CDKN2A: variants seen among roughly 807,000 people sequenced by gnomAD.
The protein encoded by CDKN2A is cyclin dependent kinase inhibitor 2A.
CDKN2A carries 3 observed loss-of-function variants against 11.1 expected under a neutral mutation model. The ratio of observed to expected loss-of-function variants is 0.27; its 90% CI spans 0.12 to 0.70. The LOEUF (loss-of-function observed/expected upper bound fraction) is 0.70. Ranked by LOEUF, CDKN2A falls within the 30% of genes least tolerant of loss-of-function variation. The pLI is 0.77. For synonymous variants in CDKN2A, 122 were observed against 108.1 expected, an observed-to-expected ratio of 1.13 and a Z score of -0.80; for missense variants, 265 against 233.6, an observed-to-expected ratio of 1.13 and a Z score of -0.88.
chr9:21,972,074 T>C (rs1172331680), intron 1 of CDKN2A, among the ~76,000 whole-genome samples: 1 of 151,994 alleles, frequency 6.6e-6, no homozygotes, highest in Non-Finnish European at 1.5e-5. Flanking sequence ...GTAATTGTTT[T>C]ATATTTCACA....
At chr9:21,986,834 C>T in intron 2 of CDKN2A, among the ~76,000 whole-genome samples, 1 of 151,966 alleles carries the variant, frequency 6.6e-6, no homozygotes, top group East Asian at 1.9e-4. Flanking sequence ...GAGTAAAATT[C>T]AAAGTGTCCG....
rs1324166220 is a variant in CDKN2A at position 21,985,144 on chromosome 9, TAG to T, written c.-4+8736_-4+8737del. 3.9e-5 allele frequency among the ~76,000 whole-genome samples: 6 copies of T among 152,112 alleles called. No homozygotes were observed. In the East Asian group the frequency reaches 9.6e-4, roughly 24 times the overall value. On this transcript the variant is annotated intron_variant, in intron 2 of 3. Transcript: ENST00000494262. The stretch of plus-strand genomic sequence containing the variant: ...TTCCTTTGAGTCTCTGGGTTGAGGG[TAG>T]AGTTTTATCTTTTGTGTTGTTACGG...
At chr9:21,970,548 T>C in intron 2 of CDKN2A, 1 of 534,358 alleles carries the variant, frequency 1.9e-6, no homozygotes, top group Non-Finnish European at 3.3e-6. Flanking sequence ...TGGATGCAAC[T>C]GGCCCTAGTT....
upstream of CDKN2A, among the ~76,000 whole-genome samples, chr9:21,976,956 C>T (rs116860380): frequency 6.6e-6 from 1 of 152,338 alleles, no homozygotes; most frequent in Non-Finnish European, 1.5e-5. Flanking sequence ...ATGCCTTAAG[C>T]ACATGCTTAA....
At position 21,968,675 on chromosome 9, in the gene CDKN2A, C is replaced by A; in HGVS notation, c.458-433G>T. On this transcript the variant is annotated intron_variant, in intron 2 of 2. Transcript: ENST00000304494. This position sits in a 1 kb window ranked among gnomAD's most constrained non-coding sequence, Gnocchi z 4.7. Reference sequence around the variant, plus strand: ...AGTGAGCCAGCCAGCTTGCGATAACCAAAGGGCGCCTCAGGCTCTGGCGCT... The same window carrying A: ...AGTGAGCCAGCCAGCTTGCGATAACAAAAGGGCGCCTCAGGCTCTGGCGCT... 6.5e-7 allele frequency: 1 copy of A among 1,535,864 alleles called. No individual in the cohort carries two copies. Among genetic ancestry groups the A allele is most frequent in the Non-Finnish European group, 8.7e-7 (1 of 1,146,712 alleles).
chr9:21,972,356 C>A (rs750840299), intron 1 of CDKN2A, among the ~76,000 whole-genome samples: 2 of 151,998 alleles, frequency 1.3e-5, no homozygotes, highest in Non-Finnish European at 2.9e-5. Flanking sequence ...GGAGATTATC[C>A]AGAATTTTCA....
Position 21,992,358 on chromosome 9 carries a change from C to G in CDKN2A, c.-4+1524G>C, listed in dbSNP as rs918681712. On this transcript the variant is annotated intron_variant, in intron 2 of 3. Coordinates refer to the CDKN2A transcript ENST00000494262. ...CCGCTAGATTTTATATTATGTATAT[C>G]ATTTTACATATGAAATTGGAAAATT... The G allele has an allele frequency of 1.5e-5, 14 of 927,464 alleles. No homozygotes were observed. In the African/African-American group the frequency reaches 2.0e-4, roughly 13 times the overall value. 57.5% of individuals were successfully genotyped at this position (927,464 alleles called of 1,614,324 possible).
Position 21,974,637 on chromosome 9 carries a change from C to T in CDKN2A, c.150+41G>A, listed in dbSNP as rs144845109. 2 of 1,614,194 alleles carry T rather than the reference C, an allele frequency of 1.2e-6. No individual in the cohort carries two copies. Among genetic ancestry groups the T allele is most frequent in the South Asian group, 1.1e-5 (1 of 91,070 alleles). On this transcript the variant is annotated intron_variant, in intron 1 of 2. Transcript: ENST00000304494. This position sits in a 1 kb window ranked among gnomAD's most constrained non-coding sequence, Gnocchi z 5.2. ...CCCTGCAAACTTCGTCCTCCAGAGT[C>T]GCCCGCCATCCCCTGCTCCCGCTGC... is the stretch of plus-strand genomic sequence containing the variant.
intron 2 of CDKN2A, among the ~76,000 whole-genome samples, chr9:21,992,787 C>G (rs1269690153): frequency 2.0e-5 from 3 of 151,784 alleles, no homozygotes; most frequent in African/African-American, 7.3e-5. Flanking sequence ...TATATTCATA[C>G]AGTTACCGGT....
intron 2 of CDKN2A, 109 bp downstream of exon 2, chr9:21,970,793 A>G: frequency 7.3e-7 from 1 of 1,371,696 alleles, no homozygotes; most frequent in South Asian, 1.2e-5. Context: ...GCGTGAGCTG[A>G]GGCAAGACCG....
chr9:21,971,058 C>T lies in CDKN2A; in HGVS notation c.301G>A (p.Gly101Arg), dbSNP rs104894094. The change falls in exon 2 of 3, where the codon GGG (glycine) becomes AGG (arginine). Residue 101 changes from glycine (G) to arginine (R), a missense_variant. Physicochemically the swap from Gly to Arg is moderately radical, Grantham distance 125. Transcript: ENST00000304494. ...GCATCGCGCACGTCCAGCCGCGCCC[C>T]GGCCCGGTGCAGCACCACCAGCGTG... Reference protein sequence around the residue: ...LDTLVVLHRAGARLDVRDAWG... With the variant: ...LDTLVVLHRARARLDVRDAWG... 2.5e-6 allele frequency: 4 copies of T among 1,605,208 alleles called. No individual in the cohort carries two copies. The African/African-American group carries it at 4.0e-5, about 16-fold the overall frequency.
chr9:21,970,999 C>T lies in CDKN2A; in HGVS notation c.360G>A (p.Glu120=), dbSNP rs757308315. The change falls in exon 2 of 3, where the codon GAG becomes GAA. Residue 120 remains glutamate, a synonymous_variant. Transcript: ENST00000304494. ...WGRLPVDLAE[E]LGHRDVARYL... The stretch of plus-strand genomic sequence containing the variant: ...ACCGTGCGACATCGCGATGGCCCAG[C>T]TCCTCAGCCAGGTCCACGGGCAGAC... The T allele has an allele frequency of 1.2e-6, 2 of 1,609,564 alleles. No homozygotes were observed. Among genetic ancestry groups the T allele is most frequent in the Non-Finnish European group, 1.7e-6 (2 of 1,179,942 alleles).
At chr9:21,987,430 CACAGAGAGAGAGAGAGAG>C (rs1232944345) in intron 2 of CDKN2A, among the ~76,000 whole-genome samples, 16 of 121,296 alleles carry the variant, frequency 1.3e-4, no homozygotes, top group South Asian at 3.3e-4. Flanking sequence ...CACACACACA[CACAGAGAGAGAGAGAGAG>C]AGAGAGAGAT....
rs369311534 is a variant in CDKN2A at position 21,968,155 on chromosome 9, G to A, written c.*74C>T. On this transcript the variant is annotated 3_prime_UTR_variant, in exon 3 of 3. Coordinates refer to ENST00000304494, the MANE Select transcript of CDKN2A (RefSeq NM_000077.5). The surrounding 1 kb of genome is among the most constrained non-coding windows in gnomAD (Gnocchi z 4.7). ...AGCGGGGTGGGTTGTGGCGGGGGCA[G>A]TTGTGGCCCTGTAGGACCTTCGGTG... 2 of 1,325,294 alleles carry A rather than the reference G, an allele frequency of 1.5e-6. No individual in the cohort carries two copies. The highest frequency in any genetic ancestry group is 1.4e-5 in the African/African-American group (1 of 69,446). 82.1% of individuals were successfully genotyped at this position (1,325,294 alleles called of 1,614,324 possible). A position where few individuals can be genotyped will look rare whatever the true frequency, so the allele number is the denominator to read the frequency against.
In CDKN2A at chr9:21,991,967, T is replaced by G; in HGVS notation, c.-4+1915A>C. On this transcript the variant is annotated intron_variant, in intron 2 of 3. Transcript: ENST00000494262. The surrounding 1 kb of genome is among the most constrained non-coding windows in gnomAD (Gnocchi z 5.2). ...GCTATAAACAAATGAATATTTAACT[T>G]CATAATAAAAATATGACTATTTTGT... is the stretch of plus-strand genomic sequence containing the variant. 1 of 982,708 alleles carries G rather than the reference T, an allele frequency of 1.0e-6. No homozygotes were observed. The highest frequency in any genetic ancestry group is 1.2e-6 in the Non-Finnish European group (1 of 827,426). The allele number at this position is 982,708 out of a possible 1,614,324, so 60.9% of individuals were successfully genotyped here.
chr9:21,983,578 G>C (rs1820242506), intron 2 of CDKN2A, among the ~76,000 whole-genome samples: 1 of 152,110 alleles, frequency 6.6e-6, no homozygotes, highest in African/African-American at 2.4e-5. Flanking sequence ...AGGGTAGAAG[G>C]CTCTTGAATA....
In CDKN2A at chr9:21,971,043, C is replaced by T. The variant is rs775860099; in HGVS notation, c.316G>A (p.Val106Met). 1 of 1,605,576 alleles carries T rather than the reference C, an allele frequency of 6.2e-7. No individual in the cohort carries two copies. Among genetic ancestry groups the T allele is most frequent in the African/African-American group, 1.3e-5 (1 of 75,014 alleles). The change falls in exon 2 of 3, where the codon GTG (valine) becomes ATG (methionine). Residue 106 changes from valine to methionine, a missense_variant. Val to Met is a conservative substitution (Grantham distance 21). Transcript: ENST00000304494. ...VLHRAGARLDVRDAWGRLPVD... is the reference protein window; with the variant it reads ...VLHRAGARLDMRDAWGRLPVD... ...GGCAGACGGCCCCAGGCATCGCGCA[C>T]GTCCAGCCGCGCCCCGGCCCGGTGC...
chr9:21,992,971 A>T (rs927982678), intron 2 of CDKN2A, among the ~76,000 whole-genome samples: 1 of 152,214 alleles, frequency 6.6e-6, no homozygotes, highest in African/African-American at 2.4e-5. Flanking sequence ...ATGAAAAGTA[A>T]AAAATAAAAT....
upstream of CDKN2A, chr9:21,975,282 C>T (rs909607037): frequency 2.2e-5 from 10 of 451,540 alleles, no homozygotes; most frequent in Non-Finnish European, 2.9e-5. Flanking sequence ...AAGAAATCCG[C>T]CCCCGCCCCG....
Sources: allele counts gnomAD v4.1 joint callset (sites outside exome capture counted in the v4.1 genomes callset), GRCh38; gene constraint gnomAD v4.1.1; non-coding constraint Gnocchi (gnomAD v3.1); transcripts MANE v1.5; gene names NCBI Gene and HGNC (gene_info 2026-07-23, HGNC 2026-07-21).